The following PCM1 variants were observed in gnomAD, a reference collection of about 807,000 sequenced individuals.
PCM1 encodes pericentriolar material 1 protein.
A neutral mutation model predicts 241.9 loss-of-function variants in PCM1; 157 were observed. That is an observed-to-expected ratio of 0.65 (90% CI 0.57 to 0.74). PCM1 has a LOEUF of 0.74. PCM1 is among the 30% of genes least tolerant of loss of function. The pLI is 0.00. For synonymous variants in PCM1, 1,085 were observed against 784.9 expected (o/e 1.38, Z -6.39); for missense variants, 3,478 against 2,360.1 (o/e 1.47, Z -9.81).
chr8:17,929,540 A>T (rs946120772), intron 2 of PCM1, among the ~76,000 whole-genome samples: 2 of 152,204 alleles, frequency 1.3e-5, no homozygotes, highest in Admixed American at 6.5e-5. Flanking sequence ...TGAACTCATC[A>T]TCATCCTCTC....
At chr8:17,947,849 G>T (rs1036083944) in intron 7 of PCM1, among the ~76,000 whole-genome samples, 3 of 152,122 alleles carry the variant, frequency 2.0e-5, no homozygotes, top group African/African-American at 7.2e-5. Flanking sequence ...GTATATGCTA[G>T]CTCCTTGGAA....
intron 30 of PCM1, among the ~76,000 whole-genome samples, chr8:18,006,931 G>A (rs746373946): frequency 6.6e-6 from 1 of 152,126 alleles, no homozygotes; most frequent in Non-Finnish European, 1.5e-5. Context: ...AGGGCTGAGA[G>A]GAGGACAGGT....
rs2060216478 is a variant in PCM1, at chr8:17,935,719, A to G, written c.96+13A>G. 2.6e-6 allele frequency: 3 copies of G among 1,172,220 alleles called. No individual in the cohort carries two copies. Among genetic ancestry groups the G allele is most frequent in the Non-Finnish European group, 3.9e-6 (3 of 778,284 alleles). 72.6% of individuals were successfully genotyped at this position (1,172,220 alleles called of 1,614,324 possible). On this transcript the variant is annotated intron_variant, in intron 3 of 38. Coordinates refer to ENST00000325083, the MANE Select transcript of PCM1 (RefSeq NM_006197.4). ...GCTCAACAATATGGTATGATTCCTT[A>G]CTCTTCATGGTGTGTTGTTGGCTAT...
chr8:17,938,276 A>G (rs1229039454), intron 4 of PCM1, among the ~76,000 whole-genome samples: 1 of 152,194 alleles, frequency 6.6e-6, no homozygotes, highest in African/African-American at 2.4e-5. Context: ...TGTTTCGTGC[A>G]CAAAATTATT....
intron 2 of PCM1, among the ~76,000 whole-genome samples, chr8:17,933,289 T>C (rs758081593): frequency 6.6e-6 from 1 of 152,214 alleles, no homozygotes; most frequent in East Asian, 1.9e-4. Context: ...AGTACTGATT[T>C]AACCATATAG....
chr8:17,937,273 C>A lies in PCM1; in HGVS notation c.236C>A (p.Thr79Asn). Residue 79 changes from threonine to asparagine, a missense_variant, in exon 4 of 39, where the codon ACT (threonine) becomes AAT (asparagine). Physicochemically the swap from Thr to Asn is moderately conservative, Grantham distance 65. Coordinates refer to ENST00000325083, the MANE Select transcript of PCM1 (RefSeq NM_006197.4). ...GGAGTTGGAAGGCGAAGAACAAAGA[C>A]TCCACATACGTTCCCACACAGTAGA... is the stretch of plus-strand genomic sequence containing the variant. ...SPGVGRRRTKTPHTFPHSRYM... is the reference protein window; with the variant it reads ...SPGVGRRRTKNPHTFPHSRYM... 1 of 1,610,846 alleles carries A rather than the reference C, an allele frequency of 6.2e-7. No homozygotes were observed. The highest frequency in any genetic ancestry group is 8.5e-7 in the Non-Finnish European group (1 of 1,177,748).
At chr8:18,023,331 T>A (rs1226996590) in intron 36 of PCM1, among the ~76,000 whole-genome samples, 2 of 152,212 alleles carry the variant, frequency 1.3e-5, no homozygotes, top group African/African-American at 4.8e-5. Flanking sequence ...CAAACTCGAA[T>A]ATATGAAGGG....
Position 18,009,694 on chromosome 8 carries a change from T to C in PCM1, c.5110T>C (p.Cys1704Arg). The C allele has an allele frequency of 6.6e-7, 1 of 1,520,318 alleles. No homozygotes were observed. The highest frequency in any genetic ancestry group is 8.8e-7 in the Non-Finnish European group (1 of 1,135,878). The allele number at this position is 1,520,318 out of a possible 1,614,324, so 94.2% of individuals were successfully genotyped here. A position where few individuals can be genotyped will look rare whatever the true frequency, so the allele number is the denominator to read the frequency against. Residue 1704 changes from cysteine (C) to arginine (R), a missense_variant, in exon 31 of 39, where the codon TGC becomes CGC. By Grantham distance (180) the Cys-to-Arg change is radical (BLOSUM62 -3). Coordinates refer to ENST00000325083, the MANE Select transcript of PCM1 (RefSeq NM_006197.4). ...TAATAGTATAACTGTTAAACAGAGATGCAAAAGGAAAATAGAAGCAACTGG... is the reference window on the plus strand; with the variant it reads ...TAATAGTATAACTGTTAAACAGAGACGCAAAAGGAAAATAGAAGCAACTGG... Reference protein sequence around the residue: ...DNNSITVKQRCKRKIEATGVI... With the variant: ...DNNSITVKQRRKRKIEATGVI...
At chr8:17,991,278 C>A (rs1169325779) in intron 27 of PCM1, among the ~76,000 whole-genome samples, 1 of 152,064 alleles carries the variant, frequency 6.6e-6, no homozygotes, top group Non-Finnish European at 1.5e-5. Context: ...ATCCTTGTTC[C>A]TACATTGAAC....
chr8:18,025,635 A>G lies in PCM1; in HGVS notation c.6026A>G (p.Asn2009Ser), dbSNP rs2094136129. 5 of 1,565,354 alleles carry G rather than the reference A, an allele frequency of 3.2e-6. No individual in the cohort carries two copies. The change falls in exon 38 of 39, where the codon AAT (asparagine) becomes AGT (serine). Residue 2009 changes from asparagine to serine, a missense_variant. Coordinates refer to ENST00000325083, the MANE Select transcript of PCM1 (RefSeq NM_006197.4). The part of the protein sequence containing the change: ...CEMQTEELAG[N>S]SETLKEPETV... ...ATGCAGACCGAAGAATTAGCTGGAA[A>G]TTCTGAGACACTAAAAGAACCTGGT...
chr8:17,966,257 T>A (rs1564003076), intron 19 of PCM1, 39 bp downstream of exon 19: 1 of 1,608,602 alleles, frequency 6.2e-7, no homozygotes, highest in Non-Finnish European at 8.5e-7. Context: ...CGTCTATTTT[T>A]ATAACTTCTG....
intron 29 of PCM1, among the ~76,000 whole-genome samples, chr8:17,998,569 A>T (rs2129482548): frequency 6.6e-6 from 1 of 152,188 alleles, no homozygotes; most frequent in Non-Finnish European, 1.5e-5. Context: ...TGATGGAGGC[A>T]CCCCTTTGGT....
At chr8:18,001,583 A>G (rs2089442531) in intron 29 of PCM1, among the ~76,000 whole-genome samples, 1 of 152,348 alleles carries the variant, frequency 6.6e-6, no homozygotes, top group South Asian at 2.1e-4. Context: ...CATTCATTAC[A>G]TTCTAATTTA....
At chr8:17,978,507 C>G (rs748683981) in intron 23 of PCM1, among the ~76,000 whole-genome samples, 16 of 151,976 alleles carry the variant, frequency 1.1e-4, no homozygotes, top group African/African-American at 3.9e-4. Context: ...AGAAAAAGAA[C>G]CAAACCGACA....
rs2094399458 is a variant in PCM1, at chr8:18,029,220, A to G, written c.*1558A>G. 5 of 198,784 alleles carry G rather than the reference A, an allele frequency of 2.5e-5. No homozygotes were observed. The highest frequency in any genetic ancestry group is 2.4e-4 in the Admixed American group (4 of 16,674). 12.3% of individuals were successfully genotyped at this position (198,784 alleles called of 1,614,324 possible). ...TATACCTCAGTGTAATGTCCATTCA[A>G]GGAGTATTAAATGAGGATTTCCCTG... On this transcript the variant is annotated 3_prime_UTR_variant, in exon 39 of 39. Coordinates refer to ENST00000325083, the MANE Select transcript of PCM1 (RefSeq NM_006197.4).
chr8:17,957,308 G>A lies in PCM1; in HGVS notation c.1691G>A (p.Ser564Asn), dbSNP rs1160717062. 1 of 1,611,752 alleles carries A rather than the reference G, an allele frequency of 6.2e-7. No homozygotes were observed. The highest frequency in any genetic ancestry group is 1.7e-5 in the Admixed American group (1 of 60,008). Residue 564 changes from serine (S) to asparagine (N), a missense_variant, in exon 12 of 39, where the codon AGT (serine) becomes AAT (asparagine). Transcript: ENST00000325083. ...ASTWNEVNSH[S>N]NAQCVSNNRD... ...ACTTGGAATGAAGTAAATAGTCATA[G>A]TAATGCACAGTGTGTTTCTAATAAT...
At chr8:18,005,855 G>A (rs938677230) in intron 29 of PCM1, among the ~76,000 whole-genome samples, 3 of 152,176 alleles carry the variant, frequency 2.0e-5, no homozygotes, top group African/African-American at 7.2e-5. Flanking sequence ...GAGAAACCCT[G>A]AGTTAGAAAA....
rs2074747740 is a variant in PCM1 at position 17,966,028 on chromosome 8, A to G, written c.2885A>G (p.Asp962Gly). Reference sequence around the variant, plus strand: ...AAGAACAATTGCCCTTTTTCGGCAGATGAAAATTATCGTCCTTTAGCCAAG... The same window carrying G: ...AAGAACAATTGCCCTTTTTCGGCAGGTGAAAATTATCGTCCTTTAGCCAAG... ...RWKNNCPFSA[D>G]ENYRPLAKTR... The change falls in exon 19 of 39, where the codon GAT becomes GGT. Residue 962 changes from aspartate to glycine, a missense_variant. Coordinates refer to ENST00000325083, the MANE Select transcript of PCM1 (RefSeq NM_006197.4). 8 of 1,611,342 alleles carry G rather than the reference A, an allele frequency of 5.0e-6. No homozygotes were observed. The highest frequency in any genetic ancestry group is 6.8e-6 in the Non-Finnish European group (8 of 1,178,662).
intron 8 of PCM1, among the ~76,000 whole-genome samples, chr8:17,951,415 G>A (rs149087858): frequency 2.9e-4 from 44 of 152,294 alleles, no homozygotes; most frequent in African/African-American, 1.0e-3. Context: ...TAGACCTGGG[G>A]CCTACTTTAG....
Sources: gnomAD v4.1 joint callset for allele counts (sites outside exome capture counted in the v4.1 genomes callset) on GRCh38, gnomAD v4.1.1 for gene constraint, MANE v1.5 for transcripts, NCBI Gene and HGNC (gene_info 2026-07-23, HGNC 2026-07-21) for gene names.